The following C8orf34 variants were observed in gnomAD, a reference collection of about 807,000 sequenced individuals.
The protein encoded by C8orf34 is chromosome 8 open reading frame 34.
In C8orf34, 65 loss-of-function variants were observed where a neutral mutation model predicts 68.3. The ratio of observed to expected loss-of-function variants is 0.95; its 90% CI spans 0.78 to 1.17. C8orf34 has a LOEUF of 1.17. C8orf34 is among the 50% of genes most tolerant of loss of function. The probability of loss-of-function intolerance (pLI) is 0.00; values close to 1 mark genes in which losing one functional copy is unlikely to be tolerated. For missense variants in C8orf34, 664 were observed against 655.4 expected (o/e 1.01, Z -0.14); for synonymous variants, 244 against 241.2 (o/e 1.01, Z -0.11).
intron 8 of C8orf34, among the ~76,000 whole-genome samples, chr8:68,646,156 A>G (rs1819165983): frequency 6.6e-6 from 1 of 152,006 alleles, no homozygotes; most frequent in African/African-American, 2.4e-5. Flanking sequence ...GGCCCTTATG[A>G]TGGGTGAGGA....
intron 1 of C8orf34, among the ~76,000 whole-genome samples, chr8:68,354,535 A>T (rs1263811987): frequency 6.6e-6 from 1 of 152,098 alleles, no homozygotes; most frequent in East Asian, 1.9e-4. Context: ...AAATAAAATA[A>T]TGCTAAAGGC....
At chr8:68,724,752 G>T (rs1449081252) in intron 10 of C8orf34, among the ~76,000 whole-genome samples, 1 of 152,108 alleles carries the variant, frequency 6.6e-6, no homozygotes, top group African/African-American at 2.4e-5. Flanking sequence ...AAATAGGCAG[G>T]TATTGATTAT....
In C8orf34 at chr8:68,511,087, G is replaced by A. The variant is rs185441742; in HGVS notation, c.766-10712G>A. 1.6e-4 allele frequency among the ~76,000 whole-genome samples: 24 copies of A among 152,298 alleles called. No individual in the cohort carries two copies. The East Asian group carries it at 4.4e-3, about 28-fold the overall frequency. ...GGTAAAATAACCACTTTCTCCAATT[G>A]TGTCCTGTTGCAAAAGAAAAATGGA... On this transcript the variant is annotated intron_variant, in intron 5 of 13. Transcript: ENST00000518698.
At chr8:68,680,830 T>C (rs1049435084) in intron 8 of C8orf34, among the ~76,000 whole-genome samples, 2 of 151,826 alleles carry the variant, frequency 1.3e-5, no homozygotes, top group Non-Finnish European at 2.9e-5. Flanking sequence ...AGGGTGGAGT[T>C]TTTCCCCACC....
At chr8:68,751,618 CTT>C (rs1240959553) in intron 10 of C8orf34, among the ~76,000 whole-genome samples, 1 of 152,050 alleles carries the variant, frequency 6.6e-6, no homozygotes, top group African/African-American at 2.4e-5. Context: ...CAGTCAGCCT[CTT>C]ATGCTGTGGG....
Position 68,623,927 on chromosome 8 carries a change from G to C in C8orf34, c.1106-16449G>C, listed in dbSNP as rs143495620. Among the ~76,000 whole-genome samples, 337 of 152,212 alleles carry C rather than the reference G, an allele frequency of 2.2e-3. 1 individual carries two copies. The highest frequency in any genetic ancestry group is 3.8e-3 in the Non-Finnish European group (256 of 68,002). On this transcript the variant is annotated intron_variant, in intron 7 of 13. Transcript: ENST00000518698. ...ATGTTCAGTCCATTGCAGTACCTAA[G>C]AGAGTGATTGAAACACAGTAGACAC...
intron 5 of C8orf34, among the ~76,000 whole-genome samples, chr8:68,496,401 G>C (rs889678641): frequency 5.9e-5 from 9 of 152,168 alleles, no homozygotes; most frequent in African/African-American, 2.2e-4. Flanking sequence ...AAATTTAAGA[G>C]AGAGGTAATA....
chr8:68,745,098 G>T (rs924175893), intron 10 of C8orf34, among the ~76,000 whole-genome samples: 1 of 152,100 alleles, frequency 6.6e-6, no homozygotes, highest in African/African-American at 2.4e-5. Context: ...TTAAAGAAAA[G>T]AATTTTCAAC....
At chr8:68,337,566 CTA>C (rs987308847) in intron 1 of C8orf34, among the ~76,000 whole-genome samples, 47 of 152,134 alleles carry the variant, frequency 3.1e-4, no homozygotes, top group African/African-American at 1.1e-3. Flanking sequence ...AATGTGGTCT[CTA>C]TGTGAATGGA....
chr8:68,515,679 GT>G (rs1814480391), intron 5 of C8orf34, among the ~76,000 whole-genome samples: 5 of 152,146 alleles, frequency 3.3e-5, no homozygotes, highest in Admixed American at 3.3e-4. Flanking sequence ...CAGTTTTAAT[GT>G]ATTGACTAGT....
intron 7 of C8orf34, among the ~76,000 whole-genome samples, chr8:68,581,566 T>C (rs1428921798): frequency 6.6e-6 from 1 of 152,130 alleles, no homozygotes; most frequent in Non-Finnish European, 1.5e-5. Flanking sequence ...TTGGAAAAGA[T>C]GGAAAAGCAA....
chr8:68,651,281 G>A lies in C8orf34; in HGVS notation c.1241+10770G>A, dbSNP rs558657365. ...GGTGATCTTCCTAGTCACAGCAGCC[G>A]GCTCAAACGACAGCAAGAAAGCCTG... On this transcript the variant is annotated intron_variant, in intron 8 of 13. Coordinates refer to ENST00000518698, the MANE Select transcript of C8orf34 (RefSeq NM_052958.4). Among the ~76,000 whole-genome samples, 5 of 152,232 alleles carry A rather than the reference G, an allele frequency of 3.3e-5. No individual in the cohort carries two copies. In the East Asian group the frequency reaches 7.8e-4, roughly 24 times the overall value.
intron 1 of C8orf34, among the ~76,000 whole-genome samples, chr8:68,359,385 C>T (rs1806888094): frequency 6.6e-6 from 1 of 152,102 alleles, no homozygotes; most frequent in Admixed American, 6.5e-5. Context: ...CTTCGAGAGG[C>T]CCCTACTGAC....
At chr8:68,373,221 C>T (rs1563386276) in intron 1 of C8orf34, among the ~76,000 whole-genome samples, 1 of 152,166 alleles carries the variant, frequency 6.6e-6, no homozygotes, top group Non-Finnish European at 1.5e-5. Context: ...TCTCGGACTC[C>T]TGACCTCAGG....
chr8:68,495,082 G>C (rs114058476), intron 5 of C8orf34, among the ~76,000 whole-genome samples: 1 of 151,580 alleles, frequency 6.6e-6, no homozygotes, highest in Non-Finnish European at 1.5e-5. Context: ...TCTCAATAGC[G>C]AAGTACAGGA....
At chr8:68,335,729 C>A (rs1274811387) in intron 1 of C8orf34, among the ~76,000 whole-genome samples, 2 of 151,994 alleles carry the variant, frequency 1.3e-5, no homozygotes, top group African/African-American at 2.4e-5. Context: ...CACTATATAA[C>A]CTTAGAAATA....
intron 10 of C8orf34, among the ~76,000 whole-genome samples, chr8:68,745,317 C>T (rs1200920628): frequency 6.6e-6 from 1 of 152,016 alleles, no homozygotes; most frequent in Non-Finnish European, 1.5e-5. Flanking sequence ...TAGGAAGAAA[C>T]TGCATCAACT....
chr8:68,799,195 A>G (rs770813893), intron 12 of C8orf34, among the ~76,000 whole-genome samples: 7 of 152,220 alleles, frequency 4.6e-5, no homozygotes, highest in Non-Finnish European at 1.0e-4. Context: ...GGAGCGGCAC[A>G]TGTTTTTAAT....
At chr8:68,359,571 G>A (rs1024201340) in intron 1 of C8orf34, among the ~76,000 whole-genome samples, 3 of 152,174 alleles carry the variant, frequency 2.0e-5, no homozygotes, top group Admixed American at 2.0e-4. Flanking sequence ...GGTGAGTTGA[G>A]ACAGTGCCAG....
Sources: gnomAD v4.1 joint callset for allele counts (sites outside exome capture counted in the v4.1 genomes callset) on GRCh38, gnomAD v4.1.1 for gene constraint, MANE v1.5 for transcripts, NCBI Gene and HGNC (gene_info 2026-07-23, HGNC 2026-07-21) for gene names.